Variants in LAS1L observed in about 807,000 individuals in gnomAD.
The protein encoded by LAS1L is LAS1 like ribosome biogenesis factor.
Under a neutral mutation model 57.3 loss-of-function variants are expected in LAS1L, and 5 were observed. The ratio of observed to expected loss-of-function variants is 0.09; its 90% CI spans 0.05 to 0.18. LAS1L has a LOEUF of 0.18. LAS1L is among the 10% of genes least tolerant of loss of function. The probability of loss-of-function intolerance (pLI) is 1.00; values close to 1 mark genes in which losing one functional copy is unlikely to be tolerated. For synonymous variants in LAS1L, 245 were observed against 231.7 expected, an observed-to-expected ratio of 1.06 and a Z score of -0.52; for missense variants, 360 against 568.3, an observed-to-expected ratio of 0.63 and a Z score of 3.73.
chrX:65,516,724 A>T (rs1287262664), intron 12 of LAS1L, among the ~76,000 whole-genome samples: 1 of 109,322 alleles, frequency 9.1e-6, no homozygotes, highest in East Asian at 2.9e-4. Context: ...ATTTACAAAG[A>T]ACCCCCAACA....
rs200923441 is a variant in LAS1L, at chrX:65,528,491, CA to C, written c.847-123del. On this transcript the variant is annotated intron_variant, in intron 6 of 13. Coordinates refer to ENST00000374811, the MANE Select transcript of LAS1L (RefSeq NM_031206.7). ...CCTGCAGGGGACAGGGCAGGGCATG[CA>C]GGGGGGGGCCCACAACTCCCCTACT... 2,992 of 430,791 alleles carry C rather than the reference CA, an allele frequency of 6.9e-3. 52 individuals carry two copies. The highest frequency in any genetic ancestry group is 0.06 in the South Asian group (1,686 of 28,297). The allele number at this position is 430,791 out of a possible 1,213,427, so 35.5% of individuals were successfully genotyped here.
chrX:65,522,798 G>A (rs768472839), intron 11 of LAS1L: 1 of 112,299 alleles, frequency 8.9e-6, no homozygotes, highest in Non-Finnish European at 1.9e-5. Flanking sequence ...TCCGAATGAT[G>A]GAAATGGGTT....
intron 2 of LAS1L, among the ~76,000 whole-genome samples, chrX:65,533,281 C>T (rs1485955455): frequency 9.1e-6 from 1 of 109,727 alleles, no homozygotes; most frequent in Non-Finnish European, 1.9e-5. Flanking sequence ...CAGACAAGTT[C>T]CTCTGGGTGA....
At chrX:65,517,243 TTTCTTTC>T (rs1449197117) in intron 12 of LAS1L, among the ~76,000 whole-genome samples, 88 of 90,057 alleles carry the variant, frequency 9.8e-4, no homozygotes, top group African/African-American at 6.8e-3. Flanking sequence ...TCTTTCTTTC[TTTCTTTC>T]TTTTTTTTTT....
chrX:65,520,751 C>T (rs932852671), intron 11 of LAS1L: 2 of 752,197 alleles, frequency 2.7e-6, no homozygotes, highest in African/African-American at 2.3e-5. Context: ...CTCTGGTATG[C>T]TTGGGTTGGG....
At chrX:65,520,898 T>A in intron 11 of LAS1L, 1 of 754,449 alleles carries the variant, frequency 1.3e-6, no homozygotes, top group Non-Finnish European at 1.6e-6. Context: ...TCCCATTATA[T>A]ACACATGCCA....
intron 11 of LAS1L, chrX:65,522,624 G>C (rs1462951652): frequency 9.0e-6 from 1 of 111,629 alleles, no homozygotes; most frequent in African/African-American, 3.3e-5. Context: ...CCACAGACAG[G>C]ATAGAGAGGA....
At chrX:65,530,618 C>A (rs1332849604) in intron 4 of LAS1L, among the ~76,000 whole-genome samples, 1 of 107,612 alleles carries the variant, frequency 9.3e-6, no homozygotes, top group African/African-American at 3.4e-5. Context: ...ACTAGCCTGA[C>A]CAACATGATG....
At chrX:65,516,273 A>G (rs1428103415) in intron 12 of LAS1L, among the ~76,000 whole-genome samples, 1 of 111,222 alleles carries the variant, frequency 9.0e-6, no homozygotes, top group Non-Finnish European at 1.9e-5. Context: ...ACTCCATGAT[A>G]CAGAGACACC....
chrX:65,531,310 C>A (rs772965736), intron 4 of LAS1L, 47 bp downstream of exon 4: 6 of 1,020,848 alleles, frequency 5.9e-6, no homozygotes, highest in Non-Finnish European at 6.9e-6. Context: ...CCACCAAGCC[C>A]AGGCCCCTGG....
chrX:65,521,030 C>G (rs2068828434), intron 11 of LAS1L: 4 of 754,586 alleles, frequency 5.3e-6, no homozygotes, highest in Non-Finnish European at 6.3e-6. Context: ...GCCCACCCAT[C>G]CACATCACTT....
At chrX:65,526,562 C>A (rs2069154950) in intron 7 of LAS1L, among the ~76,000 whole-genome samples, 1 of 111,622 alleles carries the variant, frequency 9.0e-6, no homozygotes, top group Non-Finnish European at 1.9e-5. Context: ...GCCTACACTG[C>A]AGTTCTCACC....
Position 65,525,748 on chromosome X carries a change from CAAAAAAAAA to C in LAS1L, c.957-707_957-699del, listed in dbSNP as rs772564998. Among the ~76,000 whole-genome samples the C allele has an allele frequency of 0.011, 405 of 38,235 alleles. 1 individual carries two copies. The Middle Eastern group carries it at 0.13, about 12-fold the overall frequency. 33.2% of individuals were successfully genotyped at this position (38,235 alleles called of 115,157 possible). ...AGGTCTTCACCAAGGTCTGATTTTT[CAAAAAAAAA>C]AAAAAAAAAAAGAAAGAAATTGCAA... On this transcript the variant is annotated intron_variant, in intron 7 of 13. Coordinates refer to ENST00000374811, the MANE Select transcript of LAS1L (RefSeq NM_031206.7).
rs1331170202 is a variant in LAS1L, at chrX:65,531,207, T to A, written c.514+150A>T. 8.6e-6 allele frequency: 3 copies of A among 350,226 alleles called. No individual in the cohort carries two copies. In the East Asian group the frequency reaches 1.2e-4, roughly 14 times the overall value. The allele number at this position is 350,226 out of a possible 1,213,427, so 28.9% of individuals were successfully genotyped here. ...ACTTTTGACTTCTCCCCACTTTAAA[T>A]GTTGTGCCCAAGGCGAGGCCTCACT... On this transcript the variant is annotated intron_variant, in intron 4 of 13. Transcript: ENST00000374811.
At chrX:65,532,445 G>C in intron 3 of LAS1L, 116 bp downstream of exon 3, 1 of 549,029 alleles carries the variant, frequency 1.8e-6, no homozygotes, top group Non-Finnish European at 3.2e-6. Flanking sequence ...TTCTTGCTGG[G>C]CTTGGCTGGT....
chrX:65,516,423 G>A (rs756611141), intron 12 of LAS1L, among the ~76,000 whole-genome samples: 1 of 110,516 alleles, frequency 9.0e-6, no homozygotes, highest in South Asian at 3.9e-4. Flanking sequence ...CCCCAGTGAC[G>A]GCGTGAACAT....
rs760401786 is a variant in LAS1L, at chrX:65,518,317, C to G, written c.1597G>C (p.Asp533His). 11 of 1,212,143 alleles carry G rather than the reference C, an allele frequency of 9.1e-6. No individual in the cohort carries two copies. The highest frequency in any genetic ancestry group is 1.2e-5 in the Non-Finnish European group (11 of 895,568). Residue 533 changes from aspartate to histidine, a missense_variant, in exon 12 of 14, where the codon GAC becomes CAC. Transcript: ENST00000374811. ...GGCTTGACGCTCCAATACAGGCTGT[C>G]TAGTGTATATGGAGACTTCCCAATG... Reference protein sequence around the residue: ...SPIGKSPYTLDSLYWSVKPAS... With the variant: ...SPIGKSPYTLHSLYWSVKPAS...
At chrX:65,518,714 T>C in intron 11 of LAS1L, 1 of 549,020 alleles carries the variant, frequency 1.8e-6, no homozygotes, top group South Asian at 9.4e-5. Flanking sequence ...ATAGGATTGT[T>C]GGGAGGAGTA....
chrX:65,524,712 C>T, intron 8 of LAS1L, 98 bp from the exon 9 acceptor site: 1 of 498,051 alleles, frequency 2.0e-6, no homozygotes, highest in Non-Finnish European at 3.7e-6. Context: ...ACGAACATGG[C>T]ACAATAATGT....
Sources: allele counts gnomAD v4.1 joint callset (sites outside exome capture counted in the v4.1 genomes callset), GRCh38; gene constraint gnomAD v4.1.1; transcripts MANE v1.5; gene names NCBI Gene and HGNC (gene_info 2026-07-23, HGNC 2026-07-21).